Variants in SPTBN1 observed in about 807,000 individuals in gnomAD.
SPTBN1 encodes spectrin beta chain, non-erythrocytic 1.
In SPTBN1, 32 loss-of-function variants were observed where a neutral mutation model predicts 266.4. That is an observed-to-expected ratio of 0.12 (90% CI 0.09 to 0.16). The LOEUF (loss-of-function observed/expected upper bound fraction) is 0.16, where lower values mean the gene tolerates loss of function less well. Ranked by LOEUF, SPTBN1 falls within the 10% of genes least tolerant of loss-of-function variation. The probability of loss-of-function intolerance (pLI) is 1.00; values close to 1 mark genes in which losing one functional copy is unlikely to be tolerated. For missense variants in SPTBN1, 2,296 were observed against 3,067.1 expected (o/e 0.75, Z 5.94); for synonymous variants, 1,336 against 1,162.2 (o/e 1.15, Z -3.04).
At chr2:54,576,792 G>A (rs1382089807) in intron 2 of SPTBN1, among the ~76,000 whole-genome samples, 1 of 152,224 alleles carries the variant, frequency 6.6e-6, no homozygotes, top group African/African-American at 2.4e-5. Flanking sequence ...AAACACAGGT[G>A]TGTAAGGGAC....
Position 54,628,300 on chromosome 2 carries a change from A to G in SPTBN1, c.1798+50A>G. 6.5e-7 allele frequency: 1 copy of G among 1,547,608 alleles called. No homozygotes were observed. The highest frequency in any genetic ancestry group is 8.7e-7 in the Non-Finnish European group (1 of 1,148,122). ...TACCTCCGGGTCACCAGAGATTCAT[A>G]TTTATAGAAACACAGTGGGGCTTTT... On this transcript the variant is annotated intron_variant, in intron 13 of 35. Coordinates refer to ENST00000356805, the MANE Select transcript of SPTBN1 (RefSeq NM_003128.3). This position sits in a 1 kb window ranked among gnomAD's most constrained non-coding sequence, Gnocchi z 4.3.
chr2:54,608,323 A>T (rs1028731626), intron 3 of SPTBN1, among the ~76,000 whole-genome samples: 2 of 152,232 alleles, frequency 1.3e-5, no homozygotes, highest in Non-Finnish European at 2.9e-5. Context: ...TCTGTGGTCC[A>T]GCCTGTTAGT....
intron 3 of SPTBN1, among the ~76,000 whole-genome samples, chr2:54,602,563 C>G (rs947981279): frequency 6.6e-6 from 1 of 152,192 alleles, no homozygotes; most frequent in Admixed American, 6.5e-5. Flanking sequence ...GCCCTCGCCT[C>G]TGACCGAGAT....
In SPTBN1 at chr2:54,589,789, C is replaced by T. The variant is rs573130068; in HGVS notation, c.149-9303C>T. Among the ~76,000 whole-genome samples the T allele has an allele frequency of 1.2e-4, 18 of 152,246 alleles. No homozygotes were observed. In the South Asian group the frequency reaches 1.9e-3, roughly 16 times the overall value. ...ACAGCCAGCTGCCTGTTTCCGGCTT[C>T]CTGCTCTGTGTATTTTGCATGTTAC... is the stretch of plus-strand genomic sequence containing the variant. On this transcript the variant is annotated intron_variant, in intron 2 of 35. Transcript: ENST00000356805.
chr2:54,599,758 AGG>A (rs1341943229), intron 3 of SPTBN1, among the ~76,000 whole-genome samples: 1 of 152,194 alleles, frequency 6.6e-6, no homozygotes, highest in Non-Finnish European at 1.5e-5. Flanking sequence ...TCCTTGGGAA[AGG>A]AGCTTCTGAT....
chr2:54,594,195 G>T (rs1319022196), intron 2 of SPTBN1, among the ~76,000 whole-genome samples: 1 of 151,970 alleles, frequency 6.6e-6, no homozygotes, highest in Non-Finnish European at 1.5e-5. Flanking sequence ...GGGCTCTGGA[G>T]CCAGCCTGCC....
At chr2:54,553,130 A>G (rs1187593097) in intron 2 of SPTBN1, among the ~76,000 whole-genome samples, 1 of 152,166 alleles carries the variant, frequency 6.6e-6, no homozygotes, top group Non-Finnish European at 1.5e-5. Flanking sequence ...TCATTGTGGT[A>G]TGCTTGGTTA....
intron 1 of SPTBN1, among the ~76,000 whole-genome samples, chr2:54,520,838 G>A (rs114062616): frequency 0.011 from 1,720 of 152,174 alleles, 17 homozygotes; most frequent in Non-Finnish European, 0.017. Context: ...AAGTCCAGTG[G>A]AATCCAGGCC....
In SPTBN1 at chr2:54,628,296, T is replaced by A. The variant is rs377097717; in HGVS notation, c.1798+46T>A. On this transcript the variant is annotated intron_variant, in intron 13 of 35. Coordinates refer to ENST00000356805, the MANE Select transcript of SPTBN1 (RefSeq NM_003128.3). This position sits in a 1 kb window ranked among gnomAD's most constrained non-coding sequence, Gnocchi z 4.3. Reference sequence around the variant, plus strand: ...GCATTACCTCCGGGTCACCAGAGATTCATATTTATAGAAACACAGTGGGGC... The same window carrying A: ...GCATTACCTCCGGGTCACCAGAGATACATATTTATAGAAACACAGTGGGGC... 2 of 1,558,480 alleles carry A rather than the reference T, an allele frequency of 1.3e-6. No homozygotes were observed. The highest frequency in any genetic ancestry group is 8.7e-7 in the Non-Finnish European group (1 of 1,153,354).
At position 54,664,984 on chromosome 2, in the gene SPTBN1, T is replaced by C; in HGVS notation, c.6659+293T>C. The C allele has an allele frequency of 2.8e-6, 1 of 362,398 alleles. No individual in the cohort carries two copies. Among genetic ancestry groups the C allele is most frequent in the Non-Finnish European group, 5.1e-6 (1 of 196,888 alleles). The allele number at this position is 362,398 out of a possible 1,614,324, so 22.4% of individuals were successfully genotyped here. A position where few individuals can be genotyped will look rare whatever the true frequency, so the allele number is the denominator to read the frequency against. ...ACTGAAGAGTCTTCTTTACTTTAAG[T>C]GATTGATTTCATTTAGGACTCCTTG... On this transcript the variant is annotated intron_variant, in intron 33 of 35. Coordinates refer to ENST00000356805, the MANE Select transcript of SPTBN1 (RefSeq NM_003128.3). The surrounding 1 kb of genome is among the most constrained non-coding windows in gnomAD (Gnocchi z 5.6).
At position 54,668,307 on chromosome 2, in the gene SPTBN1, C is replaced by T. The variant is rs375995679; in HGVS notation, c.6877-44C>T. 83 of 1,594,912 alleles carry T rather than the reference C, an allele frequency of 5.2e-5. 1 individual carries two copies. The South Asian group carries it at 8.6e-4, about 17-fold the overall frequency. The stretch of plus-strand genomic sequence containing the variant: ...AGCCTTGGAGCCAGAACCCCTCATG[C>T]CTACTCTTAGTTGAGTCTCACCTGT... On this transcript the variant is annotated intron_variant, in intron 35 of 35. Transcript: ENST00000356805.
intron 2 of SPTBN1, among the ~76,000 whole-genome samples, chr2:54,531,516 TG>T (rs1194068671): frequency 3.3e-5 from 5 of 152,180 alleles, no homozygotes; most frequent in Admixed American, 6.5e-5. Context: ...CTTGAATTCC[TG>T]ATCTCCAGTG....
intron 2 of SPTBN1, among the ~76,000 whole-genome samples, chr2:54,560,110 G>C (rs1218248612): frequency 6.7e-6 from 1 of 150,158 alleles, no homozygotes; most frequent in Non-Finnish European, 1.5e-5. Flanking sequence ...TTTCTCTTGA[G>C]CTCTTCGGCA....
chr2:54,593,380 C>T (rs1675817156), intron 2 of SPTBN1, among the ~76,000 whole-genome samples: 1 of 152,116 alleles, frequency 6.6e-6, no homozygotes, highest in Non-Finnish European at 1.5e-5. Context: ...TCACCACGTT[C>T]CTCCCACGGA....
At chr2:54,605,133 C>T (rs1055044560) in intron 3 of SPTBN1, among the ~76,000 whole-genome samples, 16 of 152,114 alleles carry the variant, frequency 1.1e-4, no homozygotes, top group African/African-American at 3.4e-4. Flanking sequence ...TGCTGAGAGG[C>T]GCCCCCTCCC....
chr2:54,631,964 C>T (rs1678762363), intron 16 of SPTBN1, among the ~76,000 whole-genome samples: 2 of 151,776 alleles, frequency 1.3e-5, no homozygotes, highest in South Asian at 4.2e-4. Flanking sequence ...GTAATCCCAG[C>T]TCTTGGGGAG....
chr2:54,544,193 C>T (rs903390303), intron 2 of SPTBN1, among the ~76,000 whole-genome samples: 2 of 152,200 alleles, frequency 1.3e-5, no homozygotes, highest in Non-Finnish European at 2.9e-5. Flanking sequence ...CCAGCTTGCT[C>T]TAGTGGTAAT....
intron 18 of SPTBN1, 29 bp from the exon 19 acceptor site, chr2:54,642,954 A>G (rs767153128): frequency 1.1e-5 from 17 of 1,598,478 alleles, no homozygotes; most frequent in Admixed American, 3.4e-5. Context: ...TAGGATCACA[A>G]TCTCTGAATC....
chr2:54,477,726 A>G (rs1391386572), intron 1 of SPTBN1, among the ~76,000 whole-genome samples: 2 of 152,182 alleles, frequency 1.3e-5, no homozygotes, highest in Non-Finnish European at 2.9e-5. Context: ...AGCCTGGCTA[A>G]TATGGTGAAA....
Sources: gnomAD v4.1 joint callset for allele counts (sites outside exome capture counted in the v4.1 genomes callset) on GRCh38, gnomAD v4.1.1 for gene constraint, Gnocchi (gnomAD v3.1) non-coding constraint, MANE v1.5 for transcripts, NCBI Gene and HGNC (gene_info 2026-07-23, HGNC 2026-07-21) for gene names.